PHACTR1: variants seen among roughly 807,000 people sequenced by gnomAD.
The protein encoded by PHACTR1 is RPEL repeat containing 1.
In PHACTR1, 16 loss-of-function variants were observed where a neutral mutation model predicts 69.2. That is an observed-to-expected ratio of 0.23 (90% CI 0.16 to 0.35). The LOEUF (loss-of-function observed/expected upper bound fraction) is 0.35. PHACTR1 is among the 10% of genes least tolerant of loss of function. The pLI, the probability that PHACTR1 is intolerant of heterozygous loss-of-function variation, is 1.00. For synonymous variants in PHACTR1, 312 were observed against 284.5 expected (o/e 1.10, Z -0.97); for missense variants, 510 against 734.7 (o/e 0.69, Z 3.54).
chr6:12,783,619 G>A (rs948249514), intron 4 of PHACTR1, among the ~76,000 whole-genome samples: 4 of 152,002 alleles, frequency 2.6e-5, no homozygotes, highest in Non-Finnish European at 5.9e-5. Context: ...TAAAACCACA[G>A]CAGCTTCTGT....
Position 12,854,355 on chromosome 6 carries a change from G to A in PHACTR1, c.250+104565G>A, listed in dbSNP as rs532445342. Among the ~76,000 whole-genome samples the A allele has an allele frequency of 8.5e-5, 13 of 152,306 alleles. 1 individual carries two copies. The South Asian group carries it at 2.7e-3, about 32-fold the overall frequency. On this transcript the variant is annotated intron_variant, in intron 4 of 14. Coordinates refer to ENST00000332995, the MANE Select transcript of PHACTR1 (RefSeq NM_030948.6). ...TTGATTTCATTCCCTCAGATGTAGGGTAGTAGGCCAGGCTAATAGGATGTA... is the reference window on the plus strand; with the variant it reads ...TTGATTTCATTCCCTCAGATGTAGGATAGTAGGCCAGGCTAATAGGATGTA...
In PHACTR1 at chr6:12,876,859, C is replaced by T. The variant is rs952453031; in HGVS notation, c.250+127069C>T. On this transcript the variant is annotated intron_variant, in intron 4 of 14. Transcript: ENST00000332995. ...GCTGGAGACACAGGAAAGCTGGTGG[C>T]GTAATTCAGTCTGAGCCTAAAGGCC... 6.6e-5 allele frequency among the ~76,000 whole-genome samples: 10 copies of T among 152,188 alleles called. 3 individuals carry two copies. Among genetic ancestry groups the T allele is most frequent in the Admixed American group, 4.6e-4 (7 of 15,282 alleles).
chr6:12,800,145 A>G (rs148365464), intron 4 of PHACTR1, among the ~76,000 whole-genome samples: 3 of 152,250 alleles, frequency 2.0e-5, no homozygotes, highest in Admixed American at 2.0e-4. Flanking sequence ...GAACAGTCAT[A>G]TAAGCAAGAA....
chr6:13,204,251 G>T (rs1765600107), intron 7 of PHACTR1, among the ~76,000 whole-genome samples: 1 of 152,120 alleles, frequency 6.6e-6, no homozygotes, highest in African/African-American at 2.4e-5. Context: ...TCAGATTTGT[G>T]CTCTAGGAAT....
intron 6 of PHACTR1, among the ~76,000 whole-genome samples, chr6:13,170,188 A>G (rs1046831559): frequency 2.0e-5 from 3 of 152,194 alleles, no homozygotes; most frequent in Non-Finnish European, 2.9e-5. Flanking sequence ...TTTTGCACCA[A>G]AGGTTTTTCA....
At chr6:12,938,875 G>A (rs1789763299) in intron 4 of PHACTR1, among the ~76,000 whole-genome samples, 1 of 151,814 alleles carries the variant, frequency 6.6e-6, no homozygotes, top group Non-Finnish European at 1.5e-5. Context: ...TCACGTTGTT[G>A]CAGATCTCAA....
At chr6:13,188,044 C>T (rs1341763520) in intron 7 of PHACTR1, among the ~76,000 whole-genome samples, 1 of 152,102 alleles carries the variant, frequency 6.6e-6, no homozygotes, top group East Asian at 1.9e-4. Flanking sequence ...CTCAATTGGC[C>T]CCATCTCTCT....
intron 3 of PHACTR1, among the ~76,000 whole-genome samples, chr6:12,726,939 A>C (rs1426900857): frequency 6.6e-6 from 1 of 152,208 alleles, no homozygotes; most frequent in East Asian, 1.9e-4. Context: ...TTTGTCTCTG[A>C]GAAGTGCTTC....
At chr6:13,222,442 T>G (rs138532863) in intron 8 of PHACTR1, among the ~76,000 whole-genome samples, 1 of 152,306 alleles carries the variant, frequency 6.6e-6, no homozygotes, top group Non-Finnish European at 1.5e-5. Context: ...ACTGAGTAAG[T>G]AGAACCCCAC....
At chr6:12,876,672 C>T (rs1782555191) in intron 4 of PHACTR1, among the ~76,000 whole-genome samples, 1 of 152,160 alleles carries the variant, frequency 6.6e-6, no homozygotes, top group African/African-American at 2.4e-5. Flanking sequence ...AAAAAAAGTC[C>T]TAAACTTGCA....
chr6:13,254,804 G>A (rs1398788993), intron 10 of PHACTR1, among the ~76,000 whole-genome samples: 1 of 152,156 alleles, frequency 6.6e-6, no homozygotes, highest in Non-Finnish European at 1.5e-5. Context: ...GTAGATTACT[G>A]TTAGTTGCAT....
chr6:12,894,833 T>C (rs1295369284), intron 4 of PHACTR1, among the ~76,000 whole-genome samples: 1 of 152,194 alleles, frequency 6.6e-6, no homozygotes, highest in African/African-American at 2.4e-5. Flanking sequence ...AAGCAAAAAT[T>C]AAAATCATTT....
At chr6:12,783,456 G>A (rs931705986) in intron 4 of PHACTR1, among the ~76,000 whole-genome samples, 10 of 152,022 alleles carry the variant, frequency 6.6e-5, no homozygotes, top group African/African-American at 2.2e-4. Context: ...TTTGTGCATA[G>A]CAATACATGG....
chr6:12,939,193 A>G (rs1443455743), intron 4 of PHACTR1, among the ~76,000 whole-genome samples: 1 of 152,214 alleles, frequency 6.6e-6, no homozygotes, highest in Non-Finnish European at 1.5e-5. Flanking sequence ...ATAATGAGTA[A>G]CCATTGGAAA....
intron 4 of PHACTR1, among the ~76,000 whole-genome samples, chr6:12,911,600 A>G (rs1001278600): frequency 1.3e-5 from 2 of 152,144 alleles, no homozygotes; most frequent in Non-Finnish European, 2.9e-5. Flanking sequence ...TTTCTGCAGG[A>G]TGGCACAAAG....
chr6:13,062,200 A>G (rs182698989), intron 5 of PHACTR1, among the ~76,000 whole-genome samples: 4 of 152,314 alleles, frequency 2.6e-5, no homozygotes, highest in Admixed American at 2.6e-4. Flanking sequence ...GACTGATGTA[A>G]TAGTATGTAT....
intron 4 of PHACTR1, among the ~76,000 whole-genome samples, chr6:12,848,490 G>C (rs539328531): frequency 6.6e-6 from 1 of 152,108 alleles, no homozygotes; most frequent in Non-Finnish European, 1.5e-5. Context: ...AATGTAACTC[G>C]TAGAGACTTT....
At chr6:13,233,130 C>T (rs189509503) in intron 10 of PHACTR1, among the ~76,000 whole-genome samples, 17 of 152,288 alleles carry the variant, frequency 1.1e-4, no homozygotes, top group Middle Eastern at 6.8e-3. Flanking sequence ...CACCATTGCC[C>T]CAGAGCATAC....
At chr6:13,000,480 C>G (rs1262330853) in intron 4 of PHACTR1, among the ~76,000 whole-genome samples, 1 of 151,904 alleles carries the variant, frequency 6.6e-6, no homozygotes, top group East Asian at 1.9e-4. Flanking sequence ...CTCAGGAGGT[C>G]CAGGCTGCAG....
Sources: allele counts gnomAD v4.1 joint callset (sites outside exome capture counted in the v4.1 genomes callset), GRCh38; gene constraint gnomAD v4.1.1; transcripts MANE v1.5; gene names NCBI Gene and HGNC (gene_info 2026-07-23, HGNC 2026-07-21).